Variants in MYRIP observed in about 807,000 individuals in gnomAD.
MYRIP encodes the protein myosin VIIA and Rab interacting protein.
In MYRIP, 49 loss-of-function variants were observed where a neutral mutation model predicts 98.0. The observed-to-expected ratio is 0.50, with a 90% CI of 0.40 to 0.63. The LOEUF is 0.63. Among genes scored for constraint, MYRIP ranks in the 30% least tolerant of loss-of-function variants. The pLI is 0.00. For missense variants in MYRIP, 1,004 were observed against 1,058.2 expected, an observed-to-expected ratio of 0.95 and a Z score of 0.71; for synonymous variants, 404 against 409.5, an observed-to-expected ratio of 0.99 and a Z score of 0.16.
At chr3:40,224,256 C>T (rs1401949569) in intron 11 of MYRIP, among the ~76,000 whole-genome samples, 1 of 152,130 alleles carries the variant, frequency 6.6e-6, no homozygotes, top group Admixed American at 6.6e-5. Flanking sequence ...ACCCTGGCTG[C>T]CATGTGCCAC....
At chr3:40,062,436 CTTA>C (rs902426860) in intron 3 of MYRIP, among the ~76,000 whole-genome samples, 2 of 151,904 alleles carry the variant, frequency 1.3e-5, no homozygotes, top group African/African-American at 4.8e-5. Context: ...GAAAGCCCTA[CTTA>C]TTATTAAAAT....
intron 1 of MYRIP, among the ~76,000 whole-genome samples, chr3:39,816,851 T>C (rs1251959130): frequency 1.3e-5 from 2 of 152,230 alleles, no homozygotes; most frequent in Admixed American, 6.5e-5. Flanking sequence ...CATTTGATAT[T>C]GTATACATAA....
chr3:40,056,244 C>T (rs974759533), intron 3 of MYRIP, among the ~76,000 whole-genome samples: 4 of 152,194 alleles, frequency 2.6e-5, no homozygotes, highest in African/African-American at 9.6e-5. Context: ...CCACACATAT[C>T]TTGTGATTCA....
chr3:40,105,537 G>A (rs193097544), intron 3 of MYRIP, among the ~76,000 whole-genome samples: 53 of 152,122 alleles, frequency 3.5e-4, no homozygotes, highest in African/African-American at 1.2e-3. Flanking sequence ...AGAGAGAGGG[G>A]AGGTGCCACA....
intron 2 of MYRIP, among the ~76,000 whole-genome samples, chr3:39,960,348 CT>C (rs1307795541): frequency 6.6e-6 from 1 of 152,082 alleles, no homozygotes; most frequent in African/African-American, 2.4e-5. Context: ...ATCCCTGAGA[CT>C]TTCTTGTAAA....
At chr3:40,064,944 A>G (rs1272953208) in intron 3 of MYRIP, among the ~76,000 whole-genome samples, 1 of 152,188 alleles carries the variant, frequency 6.6e-6, no homozygotes, top group African/African-American at 2.4e-5. Context: ...GTAATAACCC[A>G]CAAACTTCCA....
chr3:39,843,767 G>A (rs1941878477), intron 1 of MYRIP, among the ~76,000 whole-genome samples: 1 of 152,150 alleles, frequency 6.6e-6, no homozygotes, highest in African/African-American at 2.4e-5. Flanking sequence ...TCAGGAAGGG[G>A]TATAGTGTAA....
intron 1 of MYRIP, among the ~76,000 whole-genome samples, chr3:39,819,160 C>T (rs917794826): frequency 5.9e-5 from 9 of 152,058 alleles, no homozygotes; most frequent in African/African-American, 1.2e-4. Flanking sequence ...ACCAGCCTGA[C>T]CAACATGGTG....
rs531014739 is a variant in MYRIP, at chr3:40,234,987, T to TGTC, written c.2100+935_2100+937dup. Reference sequence around the variant, plus strand: ...CAGCCTGGGCAACAGAGCAAGACCCTGTCTCAAAAAAAAAAAAAAAAAAAG... The same window carrying TGTC: ...CAGCCTGGGCAACAGAGCAAGACCCTGTCGTCTCAAAAAAAAAAAAAAAAAAAG... On this transcript the variant is annotated intron_variant, in intron 12 of 16. Coordinates refer to ENST00000302541, the MANE Select transcript of MYRIP (RefSeq NM_015460.4). Among the ~76,000 whole-genome samples, 691 of 129,556 alleles carry TGTC rather than the reference T, an allele frequency of 5.3e-3. 4 individuals are homozygous for TGTC. Among genetic ancestry groups the TGTC allele is most frequent in the Non-Finnish European group, 8.4e-3 (517 of 61,536 alleles). The allele number at this position is 129,556 out of a possible 152,430, so 85.0% of individuals were successfully genotyped here.
chr3:39,994,598 C>T (rs1946284645), intron 2 of MYRIP, among the ~76,000 whole-genome samples: 1 of 152,236 alleles, frequency 6.6e-6, no homozygotes, highest in African/African-American at 2.4e-5. Flanking sequence ...CCTCTGTAGA[C>T]TCCACCTCTG....
chr3:40,240,115 T>C (rs1454173660), intron 12 of MYRIP, among the ~76,000 whole-genome samples: 4 of 145,934 alleles, frequency 2.7e-5, no homozygotes, highest in Non-Finnish European at 6.0e-5. Flanking sequence ...CAGTTTCAGC[T>C]TTCTACATAT....
intron 16 of MYRIP, among the ~76,000 whole-genome samples, chr3:40,254,855 C>A (rs942868220): frequency 6.6e-6 from 1 of 152,106 alleles, no homozygotes; most frequent in Admixed American, 6.5e-5. Context: ...ACCAGTTAAG[C>A]GGAGGGCAGA....
rs376971745 is a variant in MYRIP at position 39,815,746 on chromosome 3, A to G, written c.-31+5830A>G. On this transcript the variant is annotated intron_variant, in intron 1 of 16. Coordinates refer to ENST00000302541, the MANE Select transcript of MYRIP (RefSeq NM_015460.4). ...GGCCTCTGGCATAATGTAGAGGAAT[A>G]GTGGTGATAGTGGACCTCCCAGTCT... is the stretch of plus-strand genomic sequence containing the variant. Among the ~76,000 whole-genome samples the G allele has an allele frequency of 8.5e-5, 13 of 152,302 alleles. No homozygotes were observed. In the East Asian group the frequency reaches 2.3e-3, roughly 27 times the overall value.
chr3:40,047,245 T>C (rs780885897), intron 3 of MYRIP, among the ~76,000 whole-genome samples: 1 of 152,240 alleles, frequency 6.6e-6, no homozygotes, highest in Non-Finnish European at 1.5e-5. Flanking sequence ...TTTCATTTCA[T>C]ATTTCTAGCA....
At chr3:39,953,559 G>A (rs1945080225) in intron 2 of MYRIP, among the ~76,000 whole-genome samples, 1 of 152,036 alleles carries the variant, frequency 6.6e-6, no homozygotes, top group Admixed American at 6.6e-5. Flanking sequence ...CATCTTGGAG[G>A]GTGGTTCCAA....
intron 2 of MYRIP, among the ~76,000 whole-genome samples, chr3:40,025,753 G>T (rs950365865): frequency 1.3e-5 from 2 of 152,090 alleles, no homozygotes; most frequent in Admixed American, 1.3e-4. Flanking sequence ...AAACCAGCAA[G>T]TTTTATTAAG....
chr3:40,197,477 A>G (rs983737745), intron 10 of MYRIP, among the ~76,000 whole-genome samples: 10 of 152,332 alleles, frequency 6.6e-5, no homozygotes, highest in African/African-American at 2.4e-4. Context: ...TAGATGGGCT[A>G]AAACCCCATC....
At chr3:39,992,318 G>A (rs764959595) in intron 2 of MYRIP, among the ~76,000 whole-genome samples, 8 of 152,056 alleles carry the variant, frequency 5.3e-5, no homozygotes, top group Non-Finnish European at 8.8e-5. Context: ...CCACCACCTT[G>A]AGCCCCCAAA....
Position 40,197,004 on chromosome 3 carries a change from CACTT to C in MYRIP, c.1665+6542_1665+6545del, listed in dbSNP as rs1391067425. Among the ~76,000 whole-genome samples, 3 of 152,180 alleles carry C rather than the reference CACTT, an allele frequency of 2.0e-5. No individual in the cohort carries two copies. In the East Asian group the frequency reaches 5.8e-4, roughly 29 times the overall value. On this transcript the variant is annotated intron_variant, in intron 10 of 16. Transcript: ENST00000302541. Reference sequence around the variant, plus strand: ...TCTCTACCTTATCCCTGGCCTCACTCACTTGACACATACCTTTGCACGCTGAGCC... The same window carrying C: ...TCTCTACCTTATCCCTGGCCTCACTCGACACATACCTTTGCACGCTGAGCC...
Sources: gnomAD v4.1 joint callset for allele counts (sites outside exome capture counted in the v4.1 genomes callset) on GRCh38, gnomAD v4.1.1 for gene constraint, MANE v1.5 for transcripts, NCBI Gene and HGNC (gene_info 2026-07-23, HGNC 2026-07-21) for gene names.